LSAMP: variants seen among roughly 807,000 people sequenced by gnomAD.
The protein encoded by LSAMP is limbic system-associated membrane protein.
In LSAMP, 7 loss-of-function variants were observed where a neutral mutation model predicts 38.6. The ratio of observed to expected loss-of-function variants is 0.18; its 90% CI spans 0.10 to 0.34. The LOEUF (loss-of-function observed/expected upper bound fraction) is 0.34. Among genes scored for constraint, LSAMP ranks in the 10% least tolerant of loss-of-function variants. LSAMP has a pLI of 1.00. For synonymous variants in LSAMP, 154 were observed against 166.8 expected (o/e 0.92, Z 0.59); for missense variants, 313 against 420.0 (o/e 0.75, Z 2.23).
chr3:116,164,760 A>ATAAAT, intron 1 of LSAMP, among the ~76,000 whole-genome samples: 1 of 91,616 alleles, frequency 1.1e-5, no homozygotes, highest in African/African-American at 5.0e-5. Flanking sequence ...ATATATATAT[A>ATAAAT]TTTTTTTTTT....
At chr3:115,825,901 G>C (rs566950109) in intron 6 of LSAMP, among the ~76,000 whole-genome samples, 23 of 152,106 alleles carry the variant, frequency 1.5e-4, no homozygotes, top group African/African-American at 5.5e-4. Flanking sequence ...TAACTCCACT[G>C]GTTTATCATG....
At chr3:116,398,397 C>CA (rs1162133781) in intron 1 of LSAMP, among the ~76,000 whole-genome samples, 1 of 152,292 alleles carries the variant, frequency 6.6e-6, no homozygotes, top group Non-Finnish European at 1.5e-5. Context: ...GCTAAATCCC[C>CA]AGTCCATAGG....
chr3:116,388,383 C>T (rs1450052315), intron 1 of LSAMP, among the ~76,000 whole-genome samples: 3 of 152,110 alleles, frequency 2.0e-5, no homozygotes, highest in Admixed American at 6.5e-5. Flanking sequence ...CATTTTACAG[C>T]TCTGCTCAAT....
At chr3:115,869,528 A>C (rs1261440744) in intron 3 of LSAMP, among the ~76,000 whole-genome samples, 1 of 152,178 alleles carries the variant, frequency 6.6e-6, no homozygotes, top group Non-Finnish European at 1.5e-5. Flanking sequence ...CATTATATTG[A>C]TAACAATTAA....
At chr3:116,227,669 T>A in intron 1 of LSAMP, among the ~76,000 whole-genome samples, 1 of 41,726 alleles carries the variant, frequency 2.4e-5, no homozygotes, top group Non-Finnish European at 9.7e-5. Flanking sequence ...CCGTAGTTCC[T>A]TTTTTTTCCC....
rs1933549680 is a variant in LSAMP, at chr3:115,802,967, T to C, written c.*7350A>G. On this transcript the variant is annotated 3_prime_UTR_variant, in exon 7 of 7. Transcript: ENST00000490035. ...ACCAGGATGAACAATTTCCATTCTCTGGTGAAGAGCAAAGACTTAGGGAAG... is the reference window on the plus strand; with the variant it reads ...ACCAGGATGAACAATTTCCATTCTCCGGTGAAGAGCAAAGACTTAGGGAAG... The C allele has an allele frequency of 6.6e-6, 1 of 152,160 alleles. No homozygotes were observed. The highest frequency in any genetic ancestry group is 2.4e-5 in the African/African-American group (1 of 41,424). 9.4% of individuals were successfully genotyped at this position (152,160 alleles called of 1,614,324 possible). A position where few individuals can be genotyped will look rare whatever the true frequency, so the allele number is the denominator to read the frequency against.
Position 115,997,735 on chromosome 3 carries a change from TATATATATATATATATATAC to T in LSAMP, c.514+21760_514+21779del, listed in dbSNP as rs1424385864. ...TGGGATATATATATATATATATATA[TATATATATATATATATATAC>T]ACACACATACATACACACACATATA... On this transcript the variant is annotated intron_variant, in intron 3 of 6. Coordinates refer to ENST00000490035, the MANE Select transcript of LSAMP (RefSeq NM_002338.5). 4.1e-3 allele frequency among the ~76,000 whole-genome samples: 556 copies of T among 136,588 alleles called. 4 individuals carry two copies. The highest frequency in any genetic ancestry group is 0.015 in the African/African-American group (526 of 35,856). 89.6% of individuals were successfully genotyped at this position (136,588 alleles called of 152,430 possible).
chr3:115,873,341 C>T (rs569305494), intron 3 of LSAMP, among the ~76,000 whole-genome samples: 4 of 150,300 alleles, frequency 2.7e-5, no homozygotes, highest in African/African-American at 9.8e-5. Context: ...TAAGATCACA[C>T]CACTGCACTC....
chr3:116,081,511 G>A (rs1340814291), intron 2 of LSAMP, among the ~76,000 whole-genome samples: 1 of 151,872 alleles, frequency 6.6e-6, no homozygotes, highest in Non-Finnish European at 1.5e-5. Context: ...TAAATTTAAA[G>A]GGCATCTAGA....
chr3:116,146,226 C>G (rs890486149), intron 1 of LSAMP, among the ~76,000 whole-genome samples: 3 of 151,920 alleles, frequency 2.0e-5, no homozygotes, highest in African/African-American at 7.2e-5. Context: ...TGACTCCACC[C>G]AAGTACCCTA....
At chr3:116,124,008 G>C (rs111464901) in intron 1 of LSAMP, among the ~76,000 whole-genome samples, 3,690 of 152,222 alleles carry the variant, frequency 0.024, 131 homozygotes, top group African/African-American at 0.08. Context: ...TGGGGCAAAG[G>C]CTTCCTTACC....
chr3:116,229,172 T>C lies in LSAMP; in HGVS notation c.156-142616A>G, dbSNP rs148798636. ...TTTTGGGAGAAGTATAGTGTTATTC[T>C]ATGAAATTCAGATATTCAGAGAAAA... is the stretch of plus-strand genomic sequence containing the variant. On this transcript the variant is annotated intron_variant, in intron 1 of 6. Transcript: ENST00000490035. Among the ~76,000 whole-genome samples the C allele has an allele frequency of 4.3e-3, 655 of 152,236 alleles. 7 individuals carry two copies. Among genetic ancestry groups the C allele is most frequent in the African/African-American group, 0.015 (627 of 41,560 alleles).
At chr3:116,357,558 G>A (rs933820266) in intron 1 of LSAMP, among the ~76,000 whole-genome samples, 1 of 151,894 alleles carries the variant, frequency 6.6e-6, no homozygotes, top group Non-Finnish European at 1.5e-5. Context: ...CAGAATACTA[G>A]GTATAGAGGA....
At chr3:116,140,315 A>G (rs939318393) in intron 1 of LSAMP, among the ~76,000 whole-genome samples, 2 of 151,790 alleles carry the variant, frequency 1.3e-5, no homozygotes, top group East Asian at 3.9e-4. Flanking sequence ...CTTCGATTCT[A>G]GAGACACCAG....
chr3:116,086,100 C>T (rs561313951), intron 2 of LSAMP, among the ~76,000 whole-genome samples: 123 of 152,266 alleles, frequency 8.1e-4, no homozygotes, highest in African/African-American at 2.9e-3. Flanking sequence ...TAGGTGAAAA[C>T]ATTCTCACCA....
intron 3 of LSAMP, among the ~76,000 whole-genome samples, chr3:115,975,077 C>T (rs937822348): frequency 4.6e-5 from 7 of 151,964 alleles, no homozygotes; most frequent in African/African-American, 1.7e-4. Flanking sequence ...ATGAGATTGT[C>T]CTGGAAGATT....
chr3:116,347,630 C>T (rs1440299094), intron 1 of LSAMP, among the ~76,000 whole-genome samples: 1 of 151,982 alleles, frequency 6.6e-6, no homozygotes, highest in African/African-American at 2.4e-5. Context: ...TTTAGAATAA[C>T]TATGAGGCAG....
intron 1 of LSAMP, among the ~76,000 whole-genome samples, chr3:116,170,214 C>A (rs1870710): frequency 0.99 from 150,396 of 151,884 alleles, 74,507 homozygotes; most frequent in Middle Eastern, 1. Context: ...CAATCTGCAT[C>A]CAAAGCAAGA....
At chr3:115,885,638 T>A (rs1250835141) in intron 3 of LSAMP, among the ~76,000 whole-genome samples, 1 of 29,326 alleles carries the variant, frequency 3.4e-5, no homozygotes, top group African/African-American at 1.4e-4. Context: ...TGTGTGGGGG[T>A]GGGTGGGGGG....
Sources: allele counts gnomAD v4.1 joint callset (sites outside exome capture counted in the v4.1 genomes callset), GRCh38; gene constraint gnomAD v4.1.1; transcripts MANE v1.5; gene names NCBI Gene and HGNC (gene_info 2026-07-23, HGNC 2026-07-21).